Variants in CEP162 observed in about 807,000 individuals in gnomAD.
CEP162 encodes the protein centrosomal protein 162, also known as centrosomal protein of 162 kDa.
In CEP162, 141 loss-of-function variants were observed where a neutral mutation model predicts 169.2. The ratio of observed to expected loss-of-function variants is 0.83; its 90% CI spans 0.73 to 0.96. The LOEUF (loss-of-function observed/expected upper bound fraction) is 0.96, where lower values mean the gene tolerates loss of function less well. Among genes scored for constraint, CEP162 ranks in the 40% least tolerant of loss-of-function variants. CEP162 has a pLI of 0.00. For synonymous variants in CEP162, 540 were observed against 526.4 expected (o/e 1.03, Z -0.35); for missense variants, 1,600 against 1,587.2 (o/e 1.01, Z -0.14).
chr6:84,201,062 AG>A (rs2099544259), intron 8 of CEP162, among the ~76,000 whole-genome samples, 157 bp from the exon 9 acceptor site: 1 of 152,224 alleles, frequency 6.6e-6, no homozygotes, highest in Non-Finnish European at 1.5e-5. Flanking sequence ...GCAGATCACG[AG>A]GTCAGGAGAT....
chr6:84,227,086 T>C (rs1487203003), intron 1 of CEP162, among the ~76,000 whole-genome samples: 2 of 152,060 alleles, frequency 1.3e-5, no homozygotes, highest in African/African-American at 4.8e-5. Context: ...CCGACAAAAA[T>C]TATGTGCTGA....
rs539333560 is a variant in CEP162 at position 84,223,500 on chromosome 6, AAAATAAATAAAT to A, written c.58-2341_58-2330del. ...GGTGACAGAGCAAGGCTCTATCTCA[AAAATAAATAAAT>A]AAATAAATAAATAAATAAAAATAAA... is the stretch of plus-strand genomic sequence containing the variant. On this transcript the variant is annotated intron_variant, in intron 2 of 26. Transcript: ENST00000403245. Among the ~76,000 whole-genome samples the A allele has an allele frequency of 5.2e-3, 790 of 150,496 alleles. 2 individuals are homozygous for A. The highest frequency in any genetic ancestry group is 8.3e-3 in the Admixed American group (124 of 15,024).
rs573773657 is a variant in CEP162, at chr6:84,153,351, T to C, written c.2995-172A>G. ...TCAAATGTATTGAAGTCCTAGTCTT[T>C]CAGGGCATAACATTATATATTCTTG... On this transcript the variant is annotated intron_variant, in intron 22 of 26. Transcript: ENST00000403245. 2.6e-5 allele frequency among the ~76,000 whole-genome samples: 4 copies of C among 152,334 alleles called. No homozygotes were observed. In the East Asian group the frequency reaches 7.7e-4, roughly 29 times the overall value.
At chr6:84,195,247 C>G (rs2099541628) in intron 9 of CEP162, among the ~76,000 whole-genome samples, 172 bp from the exon 10 acceptor site, 1 of 152,222 alleles carries the variant, frequency 6.6e-6, no homozygotes, top group African/African-American at 2.4e-5. Context: ...CTCAACAACT[C>G]TTTTAGCAAA....
At chr6:84,191,968 C>T (rs566515615) in intron 11 of CEP162, among the ~76,000 whole-genome samples, 10 of 152,242 alleles carry the variant, frequency 6.6e-5, no homozygotes, top group East Asian at 5.8e-4. Context: ...AAAGAAAGGA[C>T]GCAAAACCAT....
chr6:84,169,942 T>C (rs2099529339), intron 17 of CEP162, among the ~76,000 whole-genome samples: 1 of 152,154 alleles, frequency 6.6e-6, no homozygotes, highest in Admixed American at 6.5e-5. Context: ...AACCCTAATG[T>C]ACTAAAGAAA....
intron 23 of CEP162, among the ~76,000 whole-genome samples, chr6:84,150,007 C>G (rs1412280430): frequency 2.6e-5 from 4 of 152,092 alleles, no homozygotes; most frequent in Non-Finnish European, 4.4e-5. Context: ...AAGCAAAGCA[C>G]TTGACATTTG....
At chr6:84,134,347 C>T (rs2099512966) in intron 25 of CEP162, among the ~76,000 whole-genome samples, 1 of 152,168 alleles carries the variant, frequency 6.6e-6, no homozygotes, top group Non-Finnish European at 1.5e-5. Context: ...GGCTTCAACC[C>T]TCTTTCCAGG....
chr6:84,173,481 A>C (rs1256650381), intron 16 of CEP162, among the ~76,000 whole-genome samples: 1 of 152,258 alleles, frequency 6.6e-6, no homozygotes, highest in South Asian at 2.1e-4. Context: ...CAGATGAAGA[A>C]ACTGGATTAG....
chr6:84,149,497 T>G (rs1364541787), intron 24 of CEP162, 65 bp downstream of exon 24: 2 of 1,301,078 alleles, frequency 1.5e-6, no homozygotes, highest in East Asian at 4.9e-5. Flanking sequence ...CAATGTTAAC[T>G]TTAATCTCAT....
Position 84,174,193 on chromosome 6 carries a change from G to C in CEP162, c.2026-5C>G. ...TGTTTCTTCAAAGCTGCTTAACTTG[G>C]AGAAATTGCAGAAATTGTTTTATTT... On this transcript the variant is annotated splice_region_variant and splice_polypyrimidine_tract_variant and intron_variant, in intron 15 of 26. Coordinates refer to ENST00000403245, the MANE Select transcript of CEP162 (RefSeq NM_014895.4). 2 of 1,595,128 alleles carry C rather than the reference G, an allele frequency of 1.3e-6. No homozygotes were observed. Among genetic ancestry groups the C allele is most frequent in the Non-Finnish European group, 1.7e-6 (2 of 1,171,352 alleles).
chr6:84,200,988 T>C (rs2099544208), intron 8 of CEP162, 83 bp from the exon 9 acceptor site: 8 of 879,452 alleles, frequency 9.1e-6, no homozygotes, highest in South Asian at 3.0e-5. Context: ...TTTAAACATA[T>C]GCAATGCAGG....
chr6:84,219,506 G>T (rs1423523798), intron 3 of CEP162, among the ~76,000 whole-genome samples: 1 of 152,110 alleles, frequency 6.6e-6, no homozygotes, highest in Non-Finnish European at 1.5e-5. Context: ...TAGACAAAAG[G>T]CTTTGTGTCC....
intron 25 of CEP162, among the ~76,000 whole-genome samples, chr6:84,138,508 T>C (rs997618565): frequency 1.3e-5 from 2 of 152,156 alleles, no homozygotes; most frequent in African/African-American, 4.8e-5. Flanking sequence ...AGCTAGAATA[T>C]TACACAGAAT....
chr6:84,222,007 C>T (rs1302624839), intron 2 of CEP162, among the ~76,000 whole-genome samples: 1 of 151,852 alleles, frequency 6.6e-6, no homozygotes, highest in East Asian at 1.9e-4. Context: ...TAGCATAGTA[C>T]CAGGCACAAT....
chr6:84,202,562 C>G (rs1159204195), intron 7 of CEP162, among the ~76,000 whole-genome samples: 1 of 111,672 alleles, frequency 9.0e-6, no homozygotes, highest in Non-Finnish European at 1.6e-5. Flanking sequence ...GGGTTGCGCT[C>G]TGTTGCCCAG....
chr6:84,130,998 T>C (rs1196427178), intron 25 of CEP162, among the ~76,000 whole-genome samples: 1 of 152,244 alleles, frequency 6.6e-6, no homozygotes, highest in African/African-American at 2.4e-5. Context: ...CATTTAGTGC[T>C]ATAAATTTCC....
chr6:84,133,647 C>T (rs1445672650), intron 25 of CEP162, among the ~76,000 whole-genome samples: 1 of 152,178 alleles, frequency 6.6e-6, no homozygotes, highest in Non-Finnish European at 1.5e-5. Flanking sequence ...GCTCTGTGGG[C>T]ATTGGACCCT....
In CEP162 at chr6:84,178,380, A is replaced by G. The variant is rs541699125; in HGVS notation, c.1664-3033T>C. 5.3e-5 allele frequency among the ~76,000 whole-genome samples: 8 copies of G among 152,302 alleles called. No homozygotes were observed. In the South Asian group the frequency reaches 1.7e-3, roughly 32 times the overall value. On this transcript the variant is annotated intron_variant, in intron 13 of 26. Transcript: ENST00000403245. ...GAGAGTAGCTGGAAATGAAGATGAA[A>G]CAAGATTGAATAGGAGTTCATAATT...
Sources: allele counts gnomAD v4.1 joint callset (sites outside exome capture counted in the v4.1 genomes callset), GRCh38; gene constraint gnomAD v4.1.1; transcripts MANE v1.5; gene names NCBI Gene and HGNC (gene_info 2026-07-23, HGNC 2026-07-21).